The following FLVCR2 variants were observed in gnomAD, a reference collection of about 807,000 sequenced individuals.
FLVCR2 encodes FLVCR choline and putative heme transporter 2.
In FLVCR2, 38 loss-of-function variants were observed where a neutral mutation model predicts 48.9. That is an observed-to-expected ratio of 0.78 (90% confidence interval 0.60 to 1.02). The LOEUF (loss-of-function observed/expected upper bound fraction) is 1.02. Ranked by LOEUF, FLVCR2 falls within the 50% of genes least tolerant of loss-of-function variation. FLVCR2 has a pLI of 0.00. For missense variants in FLVCR2, 664 were observed against 663.3 expected (o/e 1.00, Z -0.01); for synonymous variants, 255 against 257.0 (o/e 0.99, Z 0.07).
intron 1 of FLVCR2, among the ~76,000 whole-genome samples, chr14:75,581,061 A>C (rs139781703): frequency 0.02 from 3,052 of 152,268 alleles, 105 homozygotes; most frequent in African/African-American, 0.07. Context: ...GATTAGGGGC[A>C]GCGTGGGAAC....
In FLVCR2 at chr14:75,646,456, C is replaced by T. The variant is rs1379786049; in HGVS notation, c.1565C>T (p.Ser522Leu). 2 of 1,613,120 alleles carry T rather than the reference C, an allele frequency of 1.2e-6. No homozygotes were observed. The highest frequency in any genetic ancestry group is 3.3e-5 in the Admixed American group (2 of 60,008). The change falls in exon 10 of 10, where the codon TCA (serine) becomes TTA (leucine). Residue 522 changes from serine (S) to leucine (L), a missense_variant. Transcript: ENST00000238667. Reference protein sequence around the residue: ...SNTSKVPTAVSEDHL With the variant: ...SNTSKVPTAVLEDHL ...ACCAGCAAAGTGCCCACTGCTGTGT[C>T]AGAGGATCATCTCTGAGAGGAAGGT...
intron 1 of FLVCR2, among the ~76,000 whole-genome samples, chr14:75,598,775 A>G (rs1019084938): frequency 4.6e-5 from 7 of 152,248 alleles, no homozygotes; most frequent in Non-Finnish European, 1.0e-4. Flanking sequence ...CACCCAGCGC[A>G]TGCCTTGGCT....
chr14:75,586,625 C>A lies in FLVCR2; in HGVS notation c.669+6984C>A, dbSNP rs377633942. Among the ~76,000 whole-genome samples, 6 of 152,038 alleles carry A rather than the reference C, an allele frequency of 3.9e-5. No homozygotes were observed. The East Asian group carries it at 5.8e-4, about 15-fold the overall frequency. On this transcript the variant is annotated intron_variant, in intron 1 of 9. Transcript: ENST00000238667. ...CAAAACTTCTCTAAAGGCAAATTTC[C>A]CTTCTGTTCATCTTTACTACCAGGA...
At chr14:75,599,134 G>A (rs1276382806) in intron 1 of FLVCR2, among the ~76,000 whole-genome samples, 1 of 152,058 alleles carries the variant, frequency 6.6e-6, no homozygotes, top group Admixed American at 6.6e-5. Flanking sequence ...CAGCAACCAA[G>A]CCCACCCAAC....
chr14:75,596,534 G>A (rs553763376), intron 1 of FLVCR2, among the ~76,000 whole-genome samples: 2 of 152,280 alleles, frequency 1.3e-5, no homozygotes, highest in African/African-American at 4.8e-5. Flanking sequence ...TGACTCGGTG[G>A]TGTCAGATCT....
At chr14:75,612,891 C>T (rs902388644) in intron 1 of FLVCR2, among the ~76,000 whole-genome samples, 5 of 152,324 alleles carry the variant, frequency 3.3e-5, no homozygotes, top group African/African-American at 1.2e-4. Context: ...TCTTGGAGCC[C>T]TTGTTTATTC....
At chr14:75,613,355 G>A (rs946628733) in intron 1 of FLVCR2, among the ~76,000 whole-genome samples, 2 of 151,984 alleles carry the variant, frequency 1.3e-5, no homozygotes, top group Non-Finnish European at 2.9e-5. Flanking sequence ...AGGAGCAAGA[G>A]AGAGTGAGGG....
chr14:75,614,224 T>A (rs1889547524), intron 1 of FLVCR2, among the ~76,000 whole-genome samples: 1 of 152,256 alleles, frequency 6.6e-6, no homozygotes, highest in South Asian at 2.1e-4. Context: ...CTTTTTAAAG[T>A]ATCAAACTTT....
At chr14:75,643,910 A>G (rs1890357575) in intron 9 of FLVCR2, among the ~76,000 whole-genome samples, 1 of 152,176 alleles carries the variant, frequency 6.6e-6, no homozygotes, top group Non-Finnish European at 1.5e-5. Flanking sequence ...ATCTCTACTA[A>G]AAATACAAAA....
At chr14:75,588,974 G>A (rs933597532) in intron 1 of FLVCR2, among the ~76,000 whole-genome samples, 5 of 152,110 alleles carry the variant, frequency 3.3e-5, no homozygotes, top group Non-Finnish European at 7.3e-5. Context: ...GGAGACTCAA[G>A]GCACCGTTCA....
chr14:75,583,958 G>C (rs1404290742), intron 1 of FLVCR2, among the ~76,000 whole-genome samples: 1 of 152,228 alleles, frequency 6.6e-6, no homozygotes, highest in African/African-American at 2.4e-5. Context: ...GCTAAGCCGA[G>C]GAGATCTGGG....
intron 1 of FLVCR2, among the ~76,000 whole-genome samples, chr14:75,581,585 T>C (rs1357735459): frequency 6.6e-6 from 1 of 152,140 alleles, no homozygotes; most frequent in Non-Finnish European, 1.5e-5. Context: ...TGAGGAATTA[T>C]GTCTGACAGA....
chr14:75,596,948 A>T lies in FLVCR2; in HGVS notation c.669+17307A>T, dbSNP rs180787438. On this transcript the variant is annotated intron_variant, in intron 1 of 9. Coordinates refer to ENST00000238667, the MANE Select transcript of FLVCR2 (RefSeq NM_017791.3). ...TGGTAACTAATTCATTTCATTTTTT[A>T]AAAATGTATTTTATGTCTTAAAACT... is the stretch of plus-strand genomic sequence containing the variant. 1.5e-4 allele frequency among the ~76,000 whole-genome samples: 23 copies of T among 152,248 alleles called. 1 individual carries two copies. The East Asian group carries it at 4.4e-3, about 29-fold the overall frequency.
chr14:75,634,415 C>T (rs1345259521), intron 4 of FLVCR2, among the ~76,000 whole-genome samples: 6 of 151,900 alleles, frequency 3.9e-5, no homozygotes, highest in South Asian at 2.1e-4. Flanking sequence ...TGGGGAATGG[C>T]GAGGAGTAAA....
intron 1 of FLVCR2, among the ~76,000 whole-genome samples, chr14:75,601,526 A>T (rs1459509542): frequency 2.7e-5 from 4 of 149,464 alleles, no homozygotes; most frequent in African/African-American, 4.9e-5. Context: ...GGCTATTATT[A>T]AAAAAAAAAG....
chr14:75,642,369 G>A (rs117194034), intron 9 of FLVCR2, among the ~76,000 whole-genome samples: 2,969 of 152,308 alleles, frequency 0.019, 50 homozygotes, highest in South Asian at 0.036. Context: ...CCATGGGGAC[G>A]GAGCCAAAGA....
rs375559320 is a variant in FLVCR2 at position 75,641,832 on chromosome 14, A to G, written c.1454-11A>G. ...TTTTGTCTCTCTTCCTTCTCAATCT[A>G]TCAACCTTAGCATTCATTAAGGCAG... On this transcript the variant is annotated splice_polypyrimidine_tract_variant and intron_variant, in intron 8 of 9. Coordinates refer to ENST00000238667, the MANE Select transcript of FLVCR2 (RefSeq NM_017791.3). The G allele has an allele frequency of 4.7e-5, 75 of 1,612,654 alleles. No homozygotes were observed. In the Middle Eastern group the frequency reaches 4.9e-4, roughly 11 times the overall value.
rs548316264 is a variant in FLVCR2, at chr14:75,585,040, G to A, written c.669+5399G>A. 5.3e-5 allele frequency among the ~76,000 whole-genome samples: 8 copies of A among 152,140 alleles called. 1 individual carries two copies. In the South Asian group the frequency reaches 1.2e-3, roughly 24 times the overall value. On this transcript the variant is annotated intron_variant, in intron 1 of 9. Transcript: ENST00000238667. ...GGAGGTGATAGAAAGATTATAGGGT[G>A]GGGGAGCAGAGGCTGAGGAGAAATT...
chr14:75,615,951 C>A (rs150187005), intron 1 of FLVCR2, among the ~76,000 whole-genome samples: 1 of 136,516 alleles, frequency 7.3e-6, no homozygotes, highest in Non-Finnish European at 1.5e-5. Flanking sequence ...GGCATGAACC[C>A]GGGAGATGGA....
Sources: gnomAD v4.1 joint callset for allele counts (sites outside exome capture counted in the v4.1 genomes callset) on GRCh38, gnomAD v4.1.1 for gene constraint, MANE v1.5 for transcripts, NCBI Gene and HGNC (gene_info 2026-07-23, HGNC 2026-07-21) for gene names.